Variants in SLC39A13 observed in about 807,000 individuals in gnomAD.
SLC39A13 encodes the protein solute carrier family 39 member 13, also known as zinc transporter ZIP13.
SLC39A13 carries 18 observed loss-of-function variants against 38.7 expected under a neutral mutation model. The ratio of observed to expected loss-of-function variants is 0.47; its 90% CI spans 0.32 to 0.69. The LOEUF is 0.69. Among genes scored for constraint, SLC39A13 ranks in the 30% least tolerant of loss-of-function variants. The pLI is 0.03. For synonymous variants in SLC39A13, 212 were observed against 219.1 expected, an observed-to-expected ratio of 0.97 and a Z score of 0.29; for missense variants, 395 against 490.7, an observed-to-expected ratio of 0.80 and a Z score of 1.84.
Position 47,415,752 on chromosome 11 carries a change from A to C in SLC39A13, c.*389A>C. On this transcript the variant is annotated 3_prime_UTR_variant, in exon 10 of 10. Coordinates refer to ENST00000362021, the MANE Select transcript of SLC39A13 (RefSeq NM_001128225.3). ...AGCCCAAGGATCCAGGGTGCAGGGAACTCCAGAGCTGCCCACCTCCCACTG... is the reference window on the plus strand; with the variant it reads ...AGCCCAAGGATCCAGGGTGCAGGGACCTCCAGAGCTGCCCACCTCCCACTG... The C allele has an allele frequency of 2.9e-6, 1 of 346,076 alleles. No homozygotes were observed. The highest frequency in any genetic ancestry group is 5.6e-6 in the Non-Finnish European group (1 of 179,624). The allele number at this position is 346,076 out of a possible 1,614,324, so 21.4% of individuals were successfully genotyped here. A position where few individuals can be genotyped will look rare whatever the true frequency, so the allele number is the denominator to read the frequency against.
At chr11:47,412,568 G>A in intron 4 of SLC39A13, 101 bp downstream of exon 4, 1 of 1,587,074 alleles carries the variant, frequency 6.3e-7, no homozygotes, top group East Asian at 2.3e-5. Flanking sequence ...GAAAAGAGGG[G>A]TCTCCTGGCC....
rs2096004022 is a variant in SLC39A13, at chr11:47,412,355, G to A, written c.425G>A (p.Gly142Glu). The change falls in exon 4 of 10, where the codon GGG (glycine) becomes GAG (glutamate). Residue 142 changes from glycine (G) to glutamate (E), a missense_variant. Coordinates refer to ENST00000362021, the MANE Select transcript of SLC39A13 (RefSeq NM_001128225.3). ...YTCSASPGGEGQSLQQQQQLG... is the reference protein window; with the variant it reads ...YTCSASPGGEEQSLQQQQQLG... ...TTGCCGCCCCCTGCAGGTGGTGAGG[G>A]GCAGAGCCTGCAGCAGCAGCAACAG... is the stretch of plus-strand genomic sequence containing the variant. The A allele has an allele frequency of 6.2e-7, 1 of 1,613,584 alleles. No homozygotes were observed. The highest frequency in any genetic ancestry group is 8.5e-7 in the Non-Finnish European group (1 of 1,179,816).
Position 47,410,386 on chromosome 11 carries a change from C to T in SLC39A13, c.292C>T (p.Arg98Cys), listed in dbSNP as rs369854018. ...TCCCCTAGAGATGGGGACCATGCTG[C>T]GCTCAGAAGGTAGGTGACTCTCCGG... is the stretch of plus-strand genomic sequence containing the variant. ...VIPLEMGTML[R>C]SEAGAWRLKQ... Residue 98 changes from arginine (R) to cysteine (C), a missense_variant, in exon 2 of 10, where the codon CGC becomes TGC. Arg to Cys is a radical substitution (Grantham distance 180). Transcript: ENST00000362021. 20 of 1,613,784 alleles carry T rather than the reference C, an allele frequency of 1.2e-5. No individual in the cohort carries two copies. Among genetic ancestry groups the T allele is most frequent in the Middle Eastern group, 1.6e-4 (1 of 6,084 alleles).
intron 5 of SLC39A13, 25 bp downstream of exon 5, chr11:47,413,532 G>A: frequency 1.2e-6 from 2 of 1,613,718 alleles, no homozygotes; most frequent in South Asian, 1.1e-5. Context: ...CAGGGCCCCT[G>A]CAGCCGTACT....
At position 47,410,142 on chromosome 11, in the gene SLC39A13, C is replaced by T. The variant is rs2095990411; in HGVS notation, c.48C>T (p.Leu16=). 2 of 1,613,236 alleles carry T rather than the reference C, an allele frequency of 1.2e-6. No individual in the cohort carries two copies. Among genetic ancestry groups the T allele is most frequent in the South Asian group, 1.1e-5 (1 of 91,088 alleles). The change falls in exon 2 of 10, where the codon CTC becomes CTT. Residue 16 remains leucine (L), a synonymous_variant. Transcript: ENST00000362021. ...GCTGTGGCATGGCGGGCCCAAGGCT[C>T]CTCTTCCTCACTGCCCTTGCCCTGG... The part of the protein sequence containing the change: ...CPGCGMAGPR[L]LFLTALALEL...
rs1595878063 is a variant in SLC39A13, at chr11:47,410,390, C to T, written c.296C>T (p.Ser99Leu). 1.2e-6 allele frequency: 2 copies of T among 1,613,920 alleles called. No homozygotes were observed. Among genetic ancestry groups the T allele is most frequent in the Non-Finnish European group, 1.7e-6 (2 of 1,179,974 alleles). Reference sequence around the variant, plus strand: ...CTAGAGATGGGGACCATGCTGCGCTCAGAAGGTAGGTGACTCTCCGGTGGC... The same window carrying T: ...CTAGAGATGGGGACCATGCTGCGCTTAGAAGGTAGGTGACTCTCCGGTGGC... ...IPLEMGTMLR[S>L]EAGAWRLKQL... Residue 99 changes from serine (S) to leucine (L), a missense_variant, in exon 2 of 10, where the codon TCA (serine) becomes TTA (leucine). Ser to Leu is a moderately radical substitution (Grantham distance 145, BLOSUM62 -2). Coordinates refer to ENST00000362021, the MANE Select transcript of SLC39A13 (RefSeq NM_001128225.3).
Position 47,416,431 on chromosome 11 carries a change from G to GTGA in SLC39A13, c.*1070_*1072dup, listed in dbSNP as rs1336818386. 1 of 152,420 alleles carries GTGA rather than the reference G, an allele frequency of 6.6e-6. No individual in the cohort carries two copies. Among genetic ancestry groups the GTGA allele is most frequent in the Non-Finnish European group, 1.5e-5 (1 of 68,058 alleles). 9.4% of individuals were successfully genotyped at this position (152,420 alleles called of 1,614,324 possible). On this transcript the variant is annotated 3_prime_UTR_variant, in exon 10 of 10. Transcript: ENST00000362021. The stretch of plus-strand genomic sequence containing the variant: ...TGGATGGTTTTATAGCAACTTTGCT[G>GTGA]TGATTCCGTTTGTATCTGTAAATAT...
rs2096028005 is a variant in SLC39A13, at chr11:47,416,371, C to A, written c.*1008C>A. 1 of 152,606 alleles carries A rather than the reference C, an allele frequency of 6.6e-6. No homozygotes were observed. Among genetic ancestry groups the A allele is most frequent in the South Asian group, 2.1e-4 (1 of 4,832 alleles). 9.5% of individuals were successfully genotyped at this position (152,606 alleles called of 1,614,324 possible). On this transcript the variant is annotated 3_prime_UTR_variant, in exon 10 of 10. Coordinates refer to ENST00000362021, the MANE Select transcript of SLC39A13 (RefSeq NM_001128225.3). The stretch of plus-strand genomic sequence containing the variant: ...CAGCCAGGCCTGGCCCTGCCCTTCA[C>A]CGTGGATGTTTTCAGAAGTGGCCAT...
intron 4 of SLC39A13, 53 bp downstream of exon 4, chr11:47,412,520 G>A: frequency 6.2e-7 from 1 of 1,612,210 alleles, no homozygotes. Flanking sequence ...CTGTGGTAGT[G>A]CCCGGGGCCT....
intron 4 of SLC39A13, 106 bp downstream of exon 4, chr11:47,412,573 C>T: frequency 6.3e-7 from 1 of 1,579,284 alleles, no homozygotes; most frequent in Non-Finnish European, 8.6e-7. Context: ...GAGGGGTCTC[C>T]TGGCCCTCTC....
chr11:47,415,112 C>T lies in SLC39A13; in HGVS notation c.993C>T (p.Ile331=), dbSNP rs368704328. Residue 331 remains isoleucine, a synonymous_variant, in exon 9 of 10, where the codon ATC becomes ATT. Transcript: ENST00000362021. ...LPFTSGGFLY[I]ALVNVLPDLL... ...TCACCTCTGGCGGCTTTCTCTACAT[C>T]GCCTTGGTGAACGTGCTCCCTGACC... is the stretch of plus-strand genomic sequence containing the variant. The T allele has an allele frequency of 1.4e-5, 22 of 1,613,044 alleles. No individual in the cohort carries two copies. The highest frequency in any genetic ancestry group is 6.6e-5 in the South Asian group (6 of 90,918).
At chr11:47,414,956 C>T in intron 8 of SLC39A13, 47 bp downstream of exon 8, 1 of 1,602,718 alleles carries the variant, frequency 6.2e-7, no homozygotes, top group Non-Finnish European at 8.5e-7. Context: ...AGCAGAGGGG[C>T]ACCAGCCAAA....
chr11:47,414,804 G>A lies in SLC39A13; in HGVS notation c.814G>A (p.Ala272Thr), dbSNP rs1354535773. ...GGGCGACTTTGCCATCCTGCTCCGG[G>A]CCGGCTTTGACCGATGGAGCGCAGC... ...EVGDFAILLR[A>T]GFDRWSAAKL... The change falls in exon 8 of 10, where the codon GCC (alanine) becomes ACC (threonine). Residue 272 changes from alanine (A) to threonine (T), a missense_variant. Ala to Thr is a moderately conservative substitution (Grantham distance 58). Coordinates refer to ENST00000362021, the MANE Select transcript of SLC39A13 (RefSeq NM_001128225.3). 1 of 1,610,860 alleles carries A rather than the reference G, an allele frequency of 6.2e-7. No individual in the cohort carries two copies.
chr11:47,412,188 T>G, intron 3 of SLC39A13, 149 bp downstream of exon 3: 1 of 1,289,410 alleles, frequency 7.8e-7, no homozygotes, highest in South Asian at 1.3e-5. Context: ...TGTCCTGGTC[T>G]CTGGGCCCTG....
intron 1 of SLC39A13, chr11:47,409,702 G>A (rs1267156260): frequency 1.1e-5 from 3 of 264,268 alleles, no homozygotes; most frequent in African/African-American, 2.2e-5. Context: ...CTTAGAAGGG[G>A]TGCCTCAGTC....
rs748396659 is a variant in SLC39A13 at position 47,410,398 on chromosome 11, A to G, written c.301+3A>G. 6 of 1,613,872 alleles carry G rather than the reference A, an allele frequency of 3.7e-6. No individual in the cohort carries two copies. The highest frequency in any genetic ancestry group is 1.7e-5 in the Admixed American group (1 of 60,020). On this transcript the variant is annotated splice_donor_region_variant and intron_variant, in intron 2 of 9. Coordinates refer to ENST00000362021, the MANE Select transcript of SLC39A13 (RefSeq NM_001128225.3). ...GGGGACCATGCTGCGCTCAGAAGGT[A>G]GGTGACTCTCCGGTGGCGCCCAGGG...
Position 47,415,418 on chromosome 11 carries a change from C to T in SLC39A13, c.*55C>T. 1.3e-6 allele frequency: 2 copies of T among 1,590,500 alleles called. No homozygotes were observed. The highest frequency in any genetic ancestry group is 8.6e-7 in the Non-Finnish European group (1 of 1,160,358). On this transcript the variant is annotated 3_prime_UTR_variant, in exon 10 of 10. Transcript: ENST00000362021. ...TGCAGCAATAAGATGCTCGGATTCA[C>T]TCTGTGACCGCATATGTGAGAGGCA...
intron 7 of SLC39A13, 147 bp downstream of exon 7, chr11:47,414,622 C>A: frequency 6.7e-7 from 1 of 1,495,258 alleles, no homozygotes; most frequent in Non-Finnish European, 9.2e-7. Context: ...CTCCTCACCC[C>A]AGCAGCCTGC....
chr11:47,415,167 A>T lies in SLC39A13; in HGVS notation c.1040+8A>T. On this transcript the variant is annotated splice_region_variant and intron_variant, in intron 9 of 9. Coordinates refer to ENST00000362021, the MANE Select transcript of SLC39A13 (RefSeq NM_001128225.3). ...GGAAGAAGAGGACCCGTGGTGAGTG[A>T]CCTGTTGGAGGAAGAGGACTGCCAC... is the stretch of plus-strand genomic sequence containing the variant. The T allele has an allele frequency of 6.2e-7, 1 of 1,611,386 alleles. No individual in the cohort carries two copies. Among genetic ancestry groups the T allele is most frequent in the East Asian group, 2.2e-5 (1 of 44,752 alleles).
Sources: allele counts gnomAD v4.1 joint callset, GRCh38; gene constraint gnomAD v4.1.1; transcripts MANE v1.5; gene names NCBI Gene and HGNC (gene_info 2026-07-23, HGNC 2026-07-21).